The following GSE1 variants were observed in gnomAD, a reference collection of about 807,000 sequenced individuals.
GSE1 encodes the protein Gse1 coiled-coil protein, also known as genetic suppressor element 1.
Under a neutral mutation model 112.6 loss-of-function variants are expected in GSE1, and 32 were observed. The observed-to-expected ratio is 0.28, with a 90% confidence interval of 0.21 to 0.38. The LOEUF (loss-of-function observed/expected upper bound fraction) is 0.38. Among genes scored for constraint, GSE1 ranks in the 10% least tolerant of loss-of-function variants. The pLI is 1.00. For synonymous variants in GSE1, 1,115 were observed against 735.6 expected, an observed-to-expected ratio of 1.52 and a Z score of -8.35; for missense variants, 2,348 against 1,699.2, an observed-to-expected ratio of 1.38 and a Z score of -6.71.
chr16:85,293,752 C>G (rs1435790613), intron 1 of GSE1, among the ~76,000 whole-genome samples: 1 of 152,158 alleles, frequency 6.6e-6, no homozygotes, highest in African/African-American at 2.4e-5. Context: ...GAAGCCATCT[C>G]TCCGATCACT....
chr16:85,319,575 G>T (rs1404078150), intron 1 of GSE1, among the ~76,000 whole-genome samples: 1 of 152,210 alleles, frequency 6.6e-6, no homozygotes, highest in Non-Finnish European at 1.5e-5. Flanking sequence ...CAAGGTTCTG[G>T]GCAGACATTA....
chr16:85,524,732 C>A (rs2052307309), intron 2 of GSE1, among the ~76,000 whole-genome samples: 2 of 152,148 alleles, frequency 1.3e-5, no homozygotes, highest in African/African-American at 4.8e-5. Context: ...GCACCGGGGC[C>A]AGTCAACTTC....
In GSE1 at chr16:85,654,470, C is replaced by G. The variant is rs765783759; in HGVS notation, c.599+20C>G. ...ACTCAAGTAAGTTGGTCGGCGGGGA[C>G]TTCGGTGAGGTGGCCAGGTGGGGAC... On this transcript the variant is annotated intron_variant, in intron 4 of 15. Transcript: ENST00000253458. 22 of 1,552,050 alleles carry G rather than the reference C, an allele frequency of 1.4e-5. No individual in the cohort carries two copies. The highest frequency in any genetic ancestry group is 1.9e-5 in the Non-Finnish European group (22 of 1,147,088).
intron 2 of GSE1, among the ~76,000 whole-genome samples, chr16:85,549,324 A>C (rs1479078208): frequency 6.6e-6 from 1 of 151,992 alleles, no homozygotes; most frequent in African/African-American, 2.4e-5. Flanking sequence ...ATAGGCACAC[A>C]CGCCACTAAA....
chr16:85,262,677 C>T (rs1256226479), intron 1 of GSE1, among the ~76,000 whole-genome samples: 1 of 152,184 alleles, frequency 6.6e-6, no homozygotes, highest in Non-Finnish European at 1.5e-5. Flanking sequence ...GCAATCAGAC[C>T]AGAGTGGGAG....
At chr16:85,189,927 C>T (rs1237333295) in intron 1 of GSE1, among the ~76,000 whole-genome samples, 1 of 152,192 alleles carries the variant, frequency 6.6e-6, no homozygotes, top group Non-Finnish European at 1.5e-5. Context: ...TTTTATTAAT[C>T]TCCCAAAAGG....
chr16:85,620,209 C>T (rs1451802558), intron 1 of GSE1, among the ~76,000 whole-genome samples: 1 of 152,162 alleles, frequency 6.6e-6, no homozygotes. Context: ...TCACTTGAGC[C>T]CCGGAGCTCG....
At chr16:85,187,255 G>C (rs527306299) in intron 1 of GSE1, among the ~76,000 whole-genome samples, 101 of 152,336 alleles carry the variant, frequency 6.6e-4, no homozygotes, top group African/African-American at 2.4e-3. Flanking sequence ...CCTTAATCAG[G>C]CCAGTGGAAT....
At chr16:85,488,417 C>T (rs1475718276) in intron 2 of GSE1, among the ~76,000 whole-genome samples, 1 of 152,184 alleles carries the variant, frequency 6.6e-6, no homozygotes, top group Non-Finnish European at 1.5e-5. Context: ...ACAGCCAGCA[C>T]GTTACAGCCT....
chr16:85,267,175 G>A (rs567604794), intron 1 of GSE1, among the ~76,000 whole-genome samples: 1 of 152,296 alleles, frequency 6.6e-6, no homozygotes, highest in South Asian at 2.1e-4. Flanking sequence ...TGCCTGGGCT[G>A]GCCTCCCCTG....
chr16:85,190,831 C>T (rs774919576), intron 1 of GSE1, among the ~76,000 whole-genome samples: 2 of 152,206 alleles, frequency 1.3e-5, no homozygotes, highest in Non-Finnish European at 2.9e-5. Context: ...GCACAAAGGG[C>T]GGACTCACCA....
At chr16:85,555,926 C>G, upstream of GSE1, 3 of 971,104 alleles carry the variant, frequency 3.1e-6, no homozygotes, top group Non-Finnish European at 3.7e-6. Context: ...CTCTTCCCCG[C>G]CTGCTTCCCT....
intron 1 of GSE1, among the ~76,000 whole-genome samples, chr16:85,193,739 A>G (rs1365057796): frequency 1.3e-5 from 2 of 152,242 alleles, no homozygotes; most frequent in African/African-American, 4.8e-5. Flanking sequence ...GATTACAGGC[A>G]TGAGCCACTG....
At chr16:85,609,874 C>T (rs948767007), upstream of GSE1, among the ~76,000 whole-genome samples, 1 of 152,138 alleles carries the variant, frequency 6.6e-6, no homozygotes, top group Admixed American at 6.5e-5. Flanking sequence ...CCAGGCCGGT[C>T]TCGAACTCCT....
chr16:85,564,706 C>T (rs934385543), intron 1 of GSE1, among the ~76,000 whole-genome samples: 2 of 152,120 alleles, frequency 1.3e-5, no homozygotes, highest in Admixed American at 6.5e-5. Context: ...AGAGGGTGTC[C>T]GGCAGCAGGG....
intron 1 of GSE1, among the ~76,000 whole-genome samples, chr16:85,229,149 C>T (rs977769227): frequency 6.6e-6 from 1 of 152,224 alleles, no homozygotes; most frequent in African/African-American, 2.4e-5. Flanking sequence ...GTCTCCCTAC[C>T]TAAGAGGACG....
At chr16:85,566,916 T>C (rs975104938) in intron 1 of GSE1, among the ~76,000 whole-genome samples, 2 of 152,154 alleles carry the variant, frequency 1.3e-5, no homozygotes, top group Non-Finnish European at 2.9e-5. Flanking sequence ...GGCCACTGCA[T>C]GGGCAGTAGG....
rs1364600283 is a variant in GSE1, at chr16:85,654,292, G to T, written c.441G>T (p.Arg147Ser). Reference protein sequence around the residue: ...RSESRQDAGSRSSSGGRERLI... With the variant: ...RSESRQDAGSSSSSGGRERLI... ...TCCTCCCGCAGGATGCCGGCTCCAG[G>T]AGCAGCAGTGGAGGTCGGGAACGCC... The change falls in exon 4 of 16, where the codon AGG becomes AGT. Residue 147 changes from arginine (R) to serine (S), a missense_variant. Coordinates refer to ENST00000253458, the MANE Select transcript of GSE1 (RefSeq NM_014615.5). The T allele has an allele frequency of 1.2e-6, 2 of 1,602,168 alleles. No homozygotes were observed. The highest frequency in any genetic ancestry group is 2.7e-5 in the African/African-American group (2 of 74,388).
At chr16:85,192,493 C>T (rs1360771110) in intron 1 of GSE1, among the ~76,000 whole-genome samples, 2 of 152,192 alleles carry the variant, frequency 1.3e-5, no homozygotes, top group Non-Finnish European at 2.9e-5. Context: ...TGCATATGGC[C>T]GCCCGTTGCT....
Sources: gnomAD v4.1 joint callset for allele counts (sites outside exome capture counted in the v4.1 genomes callset) on GRCh38, gnomAD v4.1.1 for gene constraint, MANE v1.5 for transcripts, NCBI Gene and HGNC (gene_info 2026-07-23, HGNC 2026-07-21) for gene names.